ZNF804A: variants seen among roughly 807,000 people sequenced by gnomAD.
The protein encoded by ZNF804A is zinc finger protein 804A.
In ZNF804A, 2 loss-of-function variants were observed where a neutral mutation model predicts 16.5. That is an observed-to-expected ratio of 0.12 (90% CI 0.05 to 0.38). The LOEUF (loss-of-function observed/expected upper bound fraction) is 0.38, where lower values mean the gene tolerates loss of function less well. Among genes scored for constraint, ZNF804A ranks in the 10% least tolerant of loss-of-function variants. The pLI, the probability that ZNF804A is intolerant of heterozygous loss-of-function variation, is 0.99. For synonymous variants in ZNF804A, 534 were observed against 489.6 expected, an observed-to-expected ratio of 1.09 and a Z score of -1.20; for missense variants, 1,473 against 1,390.7, an observed-to-expected ratio of 1.06 and a Z score of -0.94.
chr2:184,601,003 C>T (rs1691035021), intron 1 of ZNF804A, among the ~76,000 whole-genome samples: 1 of 152,026 alleles, frequency 6.6e-6, no homozygotes, highest in South Asian at 2.1e-4. Flanking sequence ...GAAATAACTC[C>T]ATAATTATCT....
intron 1 of ZNF804A, among the ~76,000 whole-genome samples, chr2:184,806,948 T>A (rs1027415212): frequency 1.3e-5 from 2 of 151,816 alleles, no homozygotes; most frequent in African/African-American, 2.4e-5. Context: ...GAAAATTCTA[T>A]TGAATTATCA....
At chr2:184,839,623 G>A (rs892228869) in intron 1 of ZNF804A, among the ~76,000 whole-genome samples, 1 of 152,042 alleles carries the variant, frequency 6.6e-6, no homozygotes, top group Admixed American at 6.6e-5. Context: ...AGAAAAAAAT[G>A]TAGTGTCCAG....
rs1175105602 is a variant in ZNF804A at position 184,810,484 on chromosome 2, C to CTTTTTTT, written c.112-55867_112-55861dup. ...TCTGAAACATTTTTATGTTCTTTTC[C>CTTTTTTT]TTTTTTTTTTTTTTTTTTTTTTTTG... On this transcript the variant is annotated intron_variant, in intron 1 of 3. Transcript: ENST00000302277. Among the ~76,000 whole-genome samples the CTTTTTTT allele has an allele frequency of 6.3e-4, 60 of 95,992 alleles. 1 individual carries two copies. Among genetic ancestry groups the CTTTTTTT allele is most frequent in the African/African-American group, 1.2e-3 (26 of 22,520 alleles). The allele number at this position is 95,992 out of a possible 152,430, so 63.0% of individuals were successfully genotyped here.
intron 2 of ZNF804A, among the ~76,000 whole-genome samples, chr2:184,869,220 GC>G (rs745864729): frequency 1.3e-5 from 2 of 151,840 alleles, no homozygotes; most frequent in Non-Finnish European, 2.9e-5. Flanking sequence ...AATCCATTTG[GC>G]CTTCAAATTC....
chr2:184,660,106 C>T (rs1223530745), intron 1 of ZNF804A, among the ~76,000 whole-genome samples: 1 of 152,120 alleles, frequency 6.6e-6, no homozygotes, highest in East Asian at 1.9e-4. Context: ...GAGACCCTGT[C>T]TAGCAAACCA....
At chr2:184,655,898 T>C (rs527980357) in intron 1 of ZNF804A, among the ~76,000 whole-genome samples, 32 of 152,270 alleles carry the variant, frequency 2.1e-4, no homozygotes, top group African/African-American at 7.5e-4. Flanking sequence ...AATTTTTTTA[T>C]GTGAATGAAA....
intron 1 of ZNF804A, among the ~76,000 whole-genome samples, chr2:184,647,088 AT>A (rs1691889694): frequency 6.6e-6 from 1 of 152,254 alleles, no homozygotes. Flanking sequence ...ACACAGGCCA[AT>A]AGAAACCTGT....
chr2:184,679,217 G>T (rs189517211), intron 1 of ZNF804A, among the ~76,000 whole-genome samples: 6 of 152,320 alleles, frequency 3.9e-5, no homozygotes, highest in Middle Eastern at 3.4e-3. Flanking sequence ...ATAGATCACT[G>T]GGTTAGGTGG....
chr2:184,893,264 G>C (rs1225788461), intron 2 of ZNF804A, among the ~76,000 whole-genome samples: 1 of 151,920 alleles, frequency 6.6e-6, no homozygotes, highest in South Asian at 2.1e-4. Context: ...AATTTGGTAA[G>C]GTAACTTGAT....
chr2:184,897,176 A>G (rs1302299780), intron 2 of ZNF804A, among the ~76,000 whole-genome samples: 1 of 152,086 alleles, frequency 6.6e-6, no homozygotes, highest in African/African-American at 2.4e-5. Context: ...AAAATGGGCT[A>G]TGTTTTGGGG....
chr2:184,817,368 T>A (rs1045373725), intron 1 of ZNF804A, among the ~76,000 whole-genome samples: 7 of 151,294 alleles, frequency 4.6e-5, no homozygotes, highest in African/African-American at 1.7e-4. Context: ...AACAAAAACA[T>A]CAACAAAAAA....
At chr2:184,832,803 A>C (rs1695285381) in intron 1 of ZNF804A, among the ~76,000 whole-genome samples, 1 of 151,926 alleles carries the variant, frequency 6.6e-6, no homozygotes, top group South Asian at 2.1e-4. Flanking sequence ...TTATACCAAA[A>C]GTTCATTGTG....
In ZNF804A at chr2:184,939,078, G is replaced by A. The variant is rs777640485; in HGVS notation, c.*52G>A. Reference sequence around the variant, plus strand: ...TCTTGTGAAAACTATTGCTATATGCGTTAAGTGTTCATCTATGTGGGTACA... The same window carrying A: ...TCTTGTGAAAACTATTGCTATATGCATTAAGTGTTCATCTATGTGGGTACA... On this transcript the variant is annotated 3_prime_UTR_variant, in exon 4 of 4. Coordinates refer to ENST00000302277, the MANE Select transcript of ZNF804A (RefSeq NM_194250.2). 40 of 1,576,406 alleles carry A rather than the reference G, an allele frequency of 2.5e-5. No individual in the cohort carries two copies. Among genetic ancestry groups the A allele is most frequent in the Admixed American group, 3.5e-5 (2 of 57,632 alleles).
At position 184,938,485 on chromosome 2, in the gene ZNF804A, C is replaced by T; in HGVS notation, c.3089C>T (p.Pro1030Leu). 6.2e-7 allele frequency: 1 copy of T among 1,613,966 alleles called. No homozygotes were observed. The highest frequency in any genetic ancestry group is 8.5e-7 in the Non-Finnish European group (1 of 1,180,000). ...AEQILAPLAL[P>L]EQALLIPLEN... is the part of the protein sequence containing the mutation. ...CAAATCCTGGCTCCATTAGCTTTAC[C>T]AGAGCAAGCATTATTGATCCCACTA... The change falls in exon 4 of 4, where the codon CCA becomes CTA. Residue 1030 changes from proline to leucine, a missense_variant. By Grantham distance (98) the Pro-to-Leu change is moderately conservative. Transcript: ENST00000302277.
At chr2:184,824,069 C>T (rs914829446) in intron 1 of ZNF804A, among the ~76,000 whole-genome samples, 15 of 151,836 alleles carry the variant, frequency 9.9e-5, no homozygotes, top group African/African-American at 1.7e-4. Flanking sequence ...ATAGATACGC[C>T]CGGAATGTTC....
At chr2:184,783,768 C>G (rs1356947833) in intron 1 of ZNF804A, among the ~76,000 whole-genome samples, 1 of 151,970 alleles carries the variant, frequency 6.6e-6, no homozygotes, top group Non-Finnish European at 1.5e-5. Context: ...TCGTTGTTAT[C>G]TCACTGATTG....
intron 2 of ZNF804A, among the ~76,000 whole-genome samples, chr2:184,916,741 G>T (rs1407418550): frequency 2.0e-5 from 3 of 151,964 alleles, no homozygotes; most frequent in Non-Finnish European, 4.4e-5. Flanking sequence ...ACAGCTACTT[G>T]GGAGGCTGAG....
At chr2:184,800,889 C>A (rs952185351) in intron 1 of ZNF804A, among the ~76,000 whole-genome samples, 9 of 151,812 alleles carry the variant, frequency 5.9e-5, no homozygotes, top group East Asian at 1.9e-4. Flanking sequence ...GAAAATATAT[C>A]TTTTATATTT....
At chr2:184,790,398 G>T (rs1253568541) in intron 1 of ZNF804A, among the ~76,000 whole-genome samples, 1 of 151,808 alleles carries the variant, frequency 6.6e-6, no homozygotes, top group Non-Finnish European at 1.5e-5. Context: ...GAGGTTTTTG[G>T]TGATTTTCTG....
Sources: gnomAD v4.1 joint callset for allele counts (sites outside exome capture counted in the v4.1 genomes callset) on GRCh38, gnomAD v4.1.1 for gene constraint, MANE v1.5 for transcripts, NCBI Gene and HGNC (gene_info 2026-07-23, HGNC 2026-07-21) for gene names.